Variants in SPATA31E1 observed in about 807,000 individuals in gnomAD.
The protein encoded by SPATA31E1 is SPATA31 subfamily E member 1.
SPATA31E1 carries 7 observed loss-of-function variants against 12.9 expected under a neutral mutation model. The ratio of observed to expected loss-of-function variants is 0.54; its 90% CI spans 0.31 to 1.02. The LOEUF is 1.02. Ranked by LOEUF, SPATA31E1 falls within the 50% of genes least tolerant of loss-of-function variation. The probability of loss-of-function intolerance (pLI) is 0.05; values close to 1 mark genes in which losing one functional copy is unlikely to be tolerated. For missense variants in SPATA31E1, 1,961 were observed against 1,799.8 expected (o/e 1.09, Z -1.62); for synonymous variants, 771 against 719.0 (o/e 1.07, Z -1.16).
In SPATA31E1 at chr9:87,888,363, T is replaced by C. The variant is rs750214175; in HGVS notation, c.3876T>C (p.Pro1292=). Residue 1292 remains proline (P), a synonymous_variant, in exon 4 of 4, where the codon CCT becomes CCC. Coordinates refer to ENST00000325643, the MANE Select transcript of SPATA31E1 (RefSeq NM_178828.5). Reference sequence around the variant, plus strand: ...AAGATGTCCTGCAGAAAGGCAAGCCTGGGGCAGATGCTTTCCAGAGCTGGG... The same window carrying C: ...AAGATGTCCTGCAGAAAGGCAAGCCCGGGGCAGATGCTTTCCAGAGCTGGG... ...RWEDVLQKGK[P]GADAFQSWGS... is the part of the protein sequence containing the mutation. 1.9e-6 allele frequency: 3 copies of C among 1,614,112 alleles called. No homozygotes were observed.
chr9:87,886,370 G>T lies in SPATA31E1; in HGVS notation c.1883G>T (p.Trp628Leu), dbSNP rs200470614. 7.4e-6 allele frequency: 12 copies of T among 1,613,446 alleles called. No individual in the cohort carries two copies. The Admixed American group carries it at 2.0e-4, about 27-fold the overall frequency. Residue 628 changes from tryptophan (W) to leucine (L), a missense_variant, in exon 4 of 4, where the codon TGG becomes TTG. Transcript: ENST00000325643. The stretch of plus-strand genomic sequence containing the variant: ...ACCAGCCCTGAGCTCCCAGAGCACT[G>T]GTGGCAAGGAAGGAATGCCATCCAC... ...VVTSPELPEH[W>L]WQGRNAIHQE...
In SPATA31E1 at chr9:87,885,763, A is replaced by G. The variant is rs1345843102; in HGVS notation, c.1276A>G (p.Thr426Ala). The change falls in exon 4 of 4, where the codon ACA (threonine) becomes GCA (alanine). Residue 426 changes from threonine (T) to alanine (A), a missense_variant. Coordinates refer to ENST00000325643, the MANE Select transcript of SPATA31E1 (RefSeq NM_178828.5). ...LPRPQQVSDA[T>A]TVGNHLQQKR... ...CCGTCCTCAGCAAGTCTCTGATGCC[A>G]CAACCGTGGGGAACCACTTACAGCA... is the stretch of plus-strand genomic sequence containing the variant. 1 of 1,613,754 alleles carries G rather than the reference A, an allele frequency of 6.2e-7. No individual in the cohort carries two copies. The highest frequency in any genetic ancestry group is 8.5e-7 in the Non-Finnish European group (1 of 1,180,038).
chr9:87,884,899 CTT>C lies in SPATA31E1; in HGVS notation c.426-13_426-12del. The C allele has an allele frequency of 2.5e-6, 4 of 1,594,786 alleles. No homozygotes were observed. The highest frequency in any genetic ancestry group is 2.2e-5 in the East Asian group (1 of 44,578). ...CTACCCCTGGCTGCAGCTTGTGCCTCTTGTCTCCTGCAGCCACCTGAGGAAGC... is the reference window on the plus strand; with the variant it reads ...CTACCCCTGGCTGCAGCTTGTGCCTCGTCTCCTGCAGCCACCTGAGGAAGC... On this transcript the variant is annotated splice_polypyrimidine_tract_variant and intron_variant, in intron 3 of 3. Transcript: ENST00000325643.
chr9:87,883,145 A>G lies in SPATA31E1; in HGVS notation c.254A>G (p.Tyr85Cys), dbSNP rs771455398. 1.3e-6 allele frequency: 2 copies of G among 1,596,410 alleles called. No individual in the cohort carries two copies. The highest frequency in any genetic ancestry group is 2.3e-5 in the East Asian group (1 of 44,370). The change falls in exon 1 of 4, where the codon TAC (tyrosine) becomes TGC (cysteine). Residue 85 changes from tyrosine (Y) to cysteine (C), a missense_variant. Transcript: ENST00000325643. ...GLVLLFLLLL[Y>C]VHSDPPSPPP... ...GTGCTCCTCTTCCTATTGCTCCTCT[A>G]CGTCCACAGTGACCCACCCTCACCC... is the stretch of plus-strand genomic sequence containing the variant.
intron 2 of SPATA31E1, 74 bp downstream of exon 2, chr9:87,884,120 G>C: frequency 6.6e-7 from 1 of 1,513,324 alleles, no homozygotes; most frequent in Non-Finnish European, 9.0e-7. Flanking sequence ...GTCATTTGCA[G>C]AGGCCTGAGA....
rs59256416 is a variant in SPATA31E1, at chr9:87,885,278, C to A, written c.791C>A (p.Ala264Asp). 2 of 1,613,902 alleles carry A rather than the reference C, an allele frequency of 1.2e-6. No homozygotes were observed. The highest frequency in any genetic ancestry group is 3.3e-5 in the Admixed American group (2 of 60,002). Residue 264 changes from alanine to aspartate, a missense_variant, in exon 4 of 4, where the codon GCT (alanine) becomes GAT (aspartate). By Grantham distance (126) the Ala-to-Asp change is moderately radical. Transcript: ENST00000325643. Reference protein sequence around the residue: ...SSPPPPDSSLAGLQCGSTTCP... With the variant: ...SSPPPPDSSLDGLQCGSTTCP... ...CCACCTCCACCCGACTCCAGCCTGG[C>A]TGGACTTCAGTGTGGCTCCACAACA...
chr9:87,883,070 G>C lies in SPATA31E1; in HGVS notation c.179G>C (p.Ser60Thr). The change falls in exon 1 of 4, where the codon AGC becomes ACC. Residue 60 changes from serine to threonine, a missense_variant. Coordinates refer to ENST00000325643, the MANE Select transcript of SPATA31E1 (RefSeq NM_178828.5). ...KSPSATWLSP[S>T]STPWMMDFIL... ...CCTAGTGCCACATGGCTGAGCCCTA[G>C]CTCCACTCCCTGGATGATGGATTTC... 6.2e-7 allele frequency: 1 copy of C among 1,613,044 alleles called. No individual in the cohort carries two copies. Among genetic ancestry groups the C allele is most frequent in the Non-Finnish European group, 8.5e-7 (1 of 1,179,684 alleles).
In SPATA31E1 at chr9:87,886,099, T is replaced by C; in HGVS notation, c.1612T>C (p.Ser538Pro). Residue 538 changes from serine to proline, a missense_variant, in exon 4 of 4, where the codon TCT becomes CCT. Ser to Pro is a moderately conservative substitution (Grantham distance 74). Transcript: ENST00000325643. ...SPPVPSLGCS[S>P]PPQIRGCGAS... ...CCCTGTCCCAAGCCTGGGGTGCTCT[T>C]CTCCACCCCAGATTAGGGGCTGTGG... 1 of 1,606,392 alleles carries C rather than the reference T, an allele frequency of 6.2e-7. No individual in the cohort carries two copies. Among genetic ancestry groups the C allele is most frequent in the Non-Finnish European group, 8.5e-7 (1 of 1,175,538 alleles).
At position 87,885,942 on chromosome 9, in the gene SPATA31E1, G is replaced by C. The variant is rs1459106742; in HGVS notation, c.1455G>C (p.Glu485Asp). 1 of 1,613,772 alleles carries C rather than the reference G, an allele frequency of 6.2e-7. No homozygotes were observed. The highest frequency in any genetic ancestry group is 8.5e-7 in the Non-Finnish European group (1 of 1,180,022). The change falls in exon 4 of 4, where the codon GAG (glutamate) becomes GAC (aspartate). Residue 485 changes from glutamate to aspartate, a missense_variant. Glu to Asp is a conservative substitution (Grantham distance 45). Transcript: ENST00000325643. The stretch of plus-strand genomic sequence containing the variant: ...CTCTTCCAGGTGAACCTGAGGTTGA[G>C]GCATCCTCACAGCTTTCCCAGGCAC... ...STSLPGEPEV[E>D]ASSQLSQAPP...
chr9:87,887,028 C>A lies in SPATA31E1; in HGVS notation c.2541C>A (p.Ser847Arg). 7 of 1,614,112 alleles carry A rather than the reference C, an allele frequency of 4.3e-6. No individual in the cohort carries two copies. Among genetic ancestry groups the A allele is most frequent in the Non-Finnish European group, 5.9e-6 (7 of 1,180,018 alleles). Reference sequence around the variant, plus strand: ...TTGTAAGGTTCTGTGTGAGGCACAGCTGGGGTACAGACCTCCAGTCCCTGG... The same window carrying A: ...TTGTAAGGTTCTGTGTGAGGCACAGATGGGGTACAGACCTCCAGTCCCTGG... Reference protein sequence around the residue: ...VHLVRFCVRHSWGTDLQSLEP... With the variant: ...VHLVRFCVRHRWGTDLQSLEP... Residue 847 changes from serine to arginine, a missense_variant, in exon 4 of 4, where the codon AGC (serine) becomes AGA (arginine). Coordinates refer to ENST00000325643, the MANE Select transcript of SPATA31E1 (RefSeq NM_178828.5).
In SPATA31E1 at chr9:87,887,760, C is replaced by A. The variant is rs755994337; in HGVS notation, c.3273C>A (p.His1091Gln). The A allele has an allele frequency of 1.2e-6, 2 of 1,613,990 alleles. No homozygotes were observed. The highest frequency in any genetic ancestry group is 1.7e-6 in the Non-Finnish European group (2 of 1,180,010). Residue 1091 changes from histidine (H) to glutamine (Q), a missense_variant, in exon 4 of 4, where the codon CAC becomes CAA. By Grantham distance (24) the His-to-Gln change is conservative (BLOSUM62 0). Coordinates refer to ENST00000325643, the MANE Select transcript of SPATA31E1 (RefSeq NM_178828.5). The part of the protein sequence containing the change: ...VCVAQDPEQL[H>Q]LKAQVVSEIA... The stretch of plus-strand genomic sequence containing the variant: ...TTGCTCAGGATCCAGAGCAGCTGCA[C>A]CTGAAAGCGCAGGTGGTCAGTGAGA...
rs369135610 is a variant in SPATA31E1 at position 87,888,124 on chromosome 9, G to T, written c.3637G>T (p.Gly1213Trp). ...KGEAHRRPRT[G>W]EQGHRSKGPR... ...CGAGGCCCACAGGAGGCCCAGAACA[G>T]GGGAGCAGGGACACAGGTCCAAGGG... is the stretch of plus-strand genomic sequence containing the variant. The change falls in exon 4 of 4, where the codon GGG (glycine) becomes TGG (tryptophan). Residue 1213 changes from glycine (G) to tryptophan (W), a missense_variant. By Grantham distance (184) the Gly-to-Trp change is radical. Coordinates refer to ENST00000325643, the MANE Select transcript of SPATA31E1 (RefSeq NM_178828.5). 2 of 1,607,338 alleles carry T rather than the reference G, an allele frequency of 1.2e-6. No individual in the cohort carries two copies. The highest frequency in any genetic ancestry group is 1.7e-6 in the Non-Finnish European group (2 of 1,176,836).
rs1828278973 is a variant in SPATA31E1 at position 87,886,597 on chromosome 9, G to C, written c.2110G>C (p.Asp704His). The C allele has an allele frequency of 6.2e-7, 1 of 1,614,078 alleles. No homozygotes were observed. Among genetic ancestry groups the C allele is most frequent in the East Asian group, 2.2e-5 (1 of 44,866 alleles). ...GTTCAGGAGCTCCGGAAGGTTCTCT[G>C]ACAAGGGGTGCTTAGGGTCCAAACT... Reference protein sequence around the residue: ...TGFRSSGRFSDKGCLGSKLGP... With the variant: ...TGFRSSGRFSHKGCLGSKLGP... Residue 704 changes from aspartate (D) to histidine (H), a missense_variant, in exon 4 of 4, where the codon GAC (aspartate) becomes CAC (histidine). Coordinates refer to ENST00000325643, the MANE Select transcript of SPATA31E1 (RefSeq NM_178828.5).
chr9:87,886,900 C>T lies in SPATA31E1; in HGVS notation c.2413C>T (p.Pro805Ser). 6.2e-7 allele frequency: 1 copy of T among 1,614,114 alleles called. No individual in the cohort carries two copies. The highest frequency in any genetic ancestry group is 8.5e-7 in the Non-Finnish European group (1 of 1,180,008). The change falls in exon 4 of 4, where the codon CCT becomes TCT. Residue 805 changes from proline to serine, a missense_variant. Coordinates refer to ENST00000325643, the MANE Select transcript of SPATA31E1 (RefSeq NM_178828.5). ...AVPKSDTHRK[P>S]GKLASWRGGK... ...TCCCAAGTCTGACACCCACAGGAAA[C>T]CTGGGAAGCTGGCATCCTGGAGGGG... is the stretch of plus-strand genomic sequence containing the variant.
chr9:87,886,745 C>T lies in SPATA31E1; in HGVS notation c.2258C>T (p.Pro753Leu). ...AAGTACCAATCAGTAAGTTCCACAC[C>T]CAGGGACCCAGACAAGGAGCATCTG... ...SWKYQSVSSTPRDPDKEHLEN... is the reference protein window; with the variant it reads ...SWKYQSVSSTLRDPDKEHLEN... Residue 753 changes from proline to leucine, a missense_variant, in exon 4 of 4, where the codon CCC (proline) becomes CTC (leucine). Pro to Leu is a moderately conservative substitution (Grantham distance 98). Transcript: ENST00000325643. The T allele has an allele frequency of 1.2e-6, 2 of 1,613,974 alleles. No homozygotes were observed. Among genetic ancestry groups the T allele is most frequent in the East Asian group, 2.2e-5 (1 of 44,874 alleles).
At chr9:87,884,124 C>G in intron 2 of SPATA31E1, 78 bp downstream of exon 2, 2 of 1,510,350 alleles carry the variant, frequency 1.3e-6, no homozygotes, top group Non-Finnish European at 1.8e-6. Flanking sequence ...TTTGCAGAGG[C>G]CTGAGAGGGA....
At chr9:87,884,785 CT>C in intron 3 of SPATA31E1, 127 bp from the exon 4 acceptor site, 1 of 1,479,740 alleles carries the variant, frequency 6.8e-7, no homozygotes, top group Non-Finnish European at 9.3e-7. Context: ...CTGGGGCAGG[CT>C]TAGGCAGAGC....
chr9:87,887,723 C>G lies in SPATA31E1; in HGVS notation c.3236C>G (p.Ser1079Cys). ...ALGTTGNPSA[S>C]SVCVAQDPEQ... is the part of the protein sequence containing the mutation. Reference sequence around the variant, plus strand: ...GGGACCACTGGTAACCCCTCAGCGTCTTCAGTCTGTGTTGCTCAGGATCCA... The same window carrying G: ...GGGACCACTGGTAACCCCTCAGCGTGTTCAGTCTGTGTTGCTCAGGATCCA... Residue 1079 changes from serine to cysteine, a missense_variant, in exon 4 of 4, where the codon TCT (serine) becomes TGT (cysteine). Physicochemically the swap from Ser to Cys is moderately radical, Grantham distance 112. Coordinates refer to ENST00000325643, the MANE Select transcript of SPATA31E1 (RefSeq NM_178828.5). 1 of 1,614,122 alleles carries G rather than the reference C, an allele frequency of 6.2e-7. No homozygotes were observed. The highest frequency in any genetic ancestry group is 8.5e-7 in the Non-Finnish European group (1 of 1,180,028).
chr9:87,884,740 A>T, intron 3 of SPATA31E1, 89 bp downstream of exon 3: 1 of 1,552,108 alleles, frequency 6.4e-7, no homozygotes, highest in African/African-American at 1.4e-5. Context: ...TGGGAGGGGG[A>T]GGTCCCGGGA....
Sources: allele counts gnomAD v4.1 joint callset, GRCh38; gene constraint gnomAD v4.1.1; transcripts MANE v1.5; gene names NCBI Gene and HGNC (gene_info 2026-07-23, HGNC 2026-07-21).